MICAL2: variants seen among roughly 807,000 people sequenced by gnomAD.
MICAL2 encodes [F-actin]-monooxygenase MICAL2.
MICAL2 carries 77 observed loss-of-function variants against 127.3 expected under a neutral mutation model. That is an observed-to-expected ratio of 0.60 (90% confidence interval 0.50 to 0.73). The LOEUF (loss-of-function observed/expected upper bound fraction) is 0.73. MICAL2 is among the 30% of genes least tolerant of loss of function. MICAL2 has a pLI of 0.00. For synonymous variants in MICAL2, 570 were observed against 551.1 expected (o/e 1.03, Z -0.48); for missense variants, 1,351 against 1,434.4 (o/e 0.94, Z 0.94).
intron 21 of MICAL2, among the ~76,000 whole-genome samples, chr11:12,245,523 A>G (rs1860617040): frequency 6.6e-6 from 1 of 152,244 alleles, no homozygotes; most frequent in Non-Finnish European, 1.5e-5. Context: ...TGAGGCCACC[A>G]GTGTTAATGG....
At chr11:12,289,586 T>G (rs1863871630), downstream of MICAL2, among the ~76,000 whole-genome samples, 1 of 147,280 alleles carries the variant, frequency 6.8e-6, no homozygotes, top group Admixed American at 6.9e-5. Flanking sequence ...TTTTTCTTCT[T>G]GAGATGGGGT....
At chr11:12,358,287 T>G in intron 34 of MICAL2, 1 of 1,611,594 alleles carries the variant, frequency 6.2e-7, no homozygotes, top group Non-Finnish European at 8.5e-7. Flanking sequence ...TTTCTTTTTT[T>G]TCTTTAGAGA....
At chr11:12,313,983 T>TTTTTTG (rs1555020731) in intron 29 of MICAL2, among the ~76,000 whole-genome samples, 10 of 127,618 alleles carry the variant, frequency 7.8e-5, no homozygotes, top group African/African-American at 1.2e-4. Flanking sequence ...TTTTTTTTTT[T>TTTTTTG]GATAGCTATA....
intron 1 of MICAL2, among the ~76,000 whole-genome samples, chr11:12,135,108 A>C (rs1425442475): frequency 6.6e-6 from 1 of 152,228 alleles, no homozygotes; most frequent in Non-Finnish European, 1.5e-5. Context: ...ACTGCTAAGG[A>C]GAAAAGATAC....
At chr11:12,169,419 T>G (rs191867600) in intron 3 of MICAL2, among the ~76,000 whole-genome samples, 37 of 152,350 alleles carry the variant, frequency 2.4e-4, no homozygotes, top group Admixed American at 4.6e-4. Flanking sequence ...GGAATCTTGC[T>G]CTGTCACCCA....
At chr11:12,140,802 C>G (rs149941190) in intron 2 of MICAL2, among the ~76,000 whole-genome samples, 1,630 of 152,306 alleles carry the variant, frequency 0.011, 23 homozygotes, top group Middle Eastern at 0.034. Context: ...CATCTAATTG[C>G]CCATGAATAA....
At chr11:12,337,432 G>GT (rs1938786197) in intron 32 of MICAL2, among the ~76,000 whole-genome samples, 1 of 152,152 alleles carries the variant, frequency 6.6e-6, no homozygotes, top group East Asian at 1.9e-4. Flanking sequence ...TTTTTGAAGG[G>GT]TTTTTTGTGT....
intron 3 of MICAL2, among the ~76,000 whole-genome samples, chr11:12,170,956 G>A (rs1219232751): frequency 6.6e-6 from 1 of 152,204 alleles, no homozygotes; most frequent in Non-Finnish European, 1.5e-5. Context: ...TGGCTCAAAG[G>A]GCTTCTTTCT....
chr11:12,185,032 G>A (rs1201036062), intron 3 of MICAL2, among the ~76,000 whole-genome samples: 1 of 131,934 alleles, frequency 7.6e-6, no homozygotes, highest in East Asian at 2.3e-4. Context: ...CAAATGAGGT[G>A]TTTGTAGAAG....
chr11:12,292,032 C>T, downstream of MICAL2: 9 of 1,325,800 alleles, frequency 6.8e-6, no homozygotes, highest in Non-Finnish European at 8.2e-6. Flanking sequence ...CAGGCTCTGA[C>T]ATCTTCCTCT....
At chr11:12,165,198 G>A (rs1054470225) in intron 3 of MICAL2, among the ~76,000 whole-genome samples, 4 of 151,816 alleles carry the variant, frequency 2.6e-5, no homozygotes, top group Non-Finnish European at 5.9e-5. Context: ...CACAAAAAAT[G>A]GGTGTCATCT....
chr11:12,193,392 T>C (rs1859464885), intron 3 of MICAL2, among the ~76,000 whole-genome samples: 2 of 152,154 alleles, frequency 1.3e-5, no homozygotes, highest in African/African-American at 4.8e-5. Context: ...ATTGGTGAAA[T>C]TGAAGGAATG....
downstream of MICAL2, among the ~76,000 whole-genome samples, chr11:12,295,510 G>C (rs1384665542): frequency 7.0e-6 from 1 of 143,586 alleles, no homozygotes; most frequent in Non-Finnish European, 1.5e-5. Context: ...GGAAGGCAGT[G>C]GCCTGATCAT....
chr11:12,235,756 G>A (rs541158273), intron 15 of MICAL2, among the ~76,000 whole-genome samples: 1 of 152,266 alleles, frequency 6.6e-6, no homozygotes, highest in South Asian at 2.1e-4. Flanking sequence ...TCTCCATGAG[G>A]CAGCACACTG....
At position 12,314,481 on chromosome 11, in the gene MICAL2, T is replaced by A. The variant is rs187599057; in HGVS notation, c.5213-5215T>A. 6.8e-3 allele frequency among the ~76,000 whole-genome samples: 978 copies of A among 142,978 alleles called. 4 individuals are homozygous for A. The highest frequency in any genetic ancestry group is 0.01 in the Non-Finnish European group (667 of 66,162). The allele number at this position is 142,978 out of a possible 152,430, so 93.8% of individuals were successfully genotyped here. A position where few individuals can be genotyped will look rare whatever the true frequency, so the allele number is the denominator to read the frequency against. On this transcript the variant is annotated intron_variant, in intron 29 of 34. Coordinates refer to the MICAL2 transcript ENST00000646065. ...GATAACCTAAGACTTTAGAAAACTC[T>A]ATTTTTTTTTTCTTTGAGATGGAGT...
chr11:12,220,160 T>C (rs749288073), intron 8 of MICAL2, 41 bp from the exon 9 acceptor site: 1 of 1,611,136 alleles, frequency 6.2e-7, no homozygotes, highest in South Asian at 1.1e-5. Flanking sequence ...GCTAGCCCTT[T>C]AGAGGGGGAG....
At chr11:12,185,659 T>C (rs910688799) in intron 3 of MICAL2, among the ~76,000 whole-genome samples, 2 of 152,160 alleles carry the variant, frequency 1.3e-5, no homozygotes, top group African/African-American at 4.8e-5. Context: ...AGTGTTTAAT[T>C]CTTAGTTCTC....
chr11:12,300,100 G>T (rs915402529), intron 29 of MICAL2, among the ~76,000 whole-genome samples: 4 of 151,988 alleles, frequency 2.6e-5, no homozygotes, highest in Non-Finnish European at 5.9e-5. Flanking sequence ...TTCAAAACCA[G>T]CCTGGCCAAC....
upstream of MICAL2, among the ~76,000 whole-genome samples, chr11:12,275,180 G>A (rs1465282895): frequency 6.6e-6 from 1 of 152,164 alleles, no homozygotes; most frequent in African/African-American, 2.4e-5. Flanking sequence ...GAGGGGGAAG[G>A]CTATGGGCAA....
Sources: allele counts gnomAD v4.1 joint callset (sites outside exome capture counted in the v4.1 genomes callset), GRCh38; gene constraint gnomAD v4.1.1; transcripts MANE v1.5; gene names NCBI Gene and HGNC (gene_info 2026-07-23, HGNC 2026-07-21).